SLC14A2: variants seen among roughly 807,000 people sequenced by gnomAD.
SLC14A2 encodes the protein urea transporter 2.
A neutral mutation model predicts 104.6 loss-of-function variants in SLC14A2; 91 were observed. The observed-to-expected ratio is 0.87, with a 90% CI of 0.73 to 1.04. The LOEUF is 1.04. Ranked by LOEUF, SLC14A2 falls within the 50% of genes least tolerant of loss-of-function variation. SLC14A2 has a pLI of 0.00. For missense variants in SLC14A2, 1,189 were observed against 1,156.0 expected (o/e 1.03, Z -0.41); for synonymous variants, 476 against 466.4 (o/e 1.02, Z -0.27).
At chr18:45,304,081 C>A (rs1055940833) in intron 1 of SLC14A2, among the ~76,000 whole-genome samples, 6 of 152,214 alleles carry the variant, frequency 3.9e-5, no homozygotes, top group Admixed American at 3.9e-4. Context: ...TGATGTAGAG[C>A]AGAGTTTTCT....
At chr18:45,616,224 C>A (rs2045069966) in intron 1 of SLC14A2, among the ~76,000 whole-genome samples, 1 of 152,334 alleles carries the variant, frequency 6.6e-6, no homozygotes, top group East Asian at 1.9e-4. Context: ...TGACACATTA[C>A]CCCTACGTAA....
At chr18:45,283,086 C>T (rs1599641381) in intron 1 of SLC14A2, among the ~76,000 whole-genome samples, 1 of 152,238 alleles carries the variant, frequency 6.6e-6, no homozygotes, top group Non-Finnish European at 1.5e-5. Flanking sequence ...CATTACCCCA[C>T]ATTGTGTGTA....
intron 1 of SLC14A2, among the ~76,000 whole-genome samples, chr18:45,286,738 C>G (rs56714589): frequency 0.085 from 10,506 of 122,962 alleles, 412 homozygotes; most frequent in South Asian, 0.13. Context: ...GTGTGTGTGT[C>G]TGTGTGTCTC....
intron 1 of SLC14A2, among the ~76,000 whole-genome samples, chr18:45,298,311 A>G (rs1186281102): frequency 6.6e-6 from 1 of 152,222 alleles, no homozygotes; most frequent in African/African-American, 2.4e-5. Flanking sequence ...CGTTACTTAG[A>G]GAAAAGGCTC....
the SLC14A2 span, among the ~76,000 whole-genome samples, chr18:45,172,061 A>G: frequency 6.6e-6 from 1 of 152,182 alleles, no homozygotes; most frequent in African/African-American, 2.4e-5. Flanking sequence ...ATGTGTATCA[A>G]TGTCGTAAGC....
chr18:45,291,349 A>G (rs892997333), intron 1 of SLC14A2, among the ~76,000 whole-genome samples: 2 of 152,152 alleles, frequency 1.3e-5, no homozygotes, highest in African/African-American at 4.8e-5. Context: ...CGTGGTAATA[A>G]TGAGGAATGA....
At chr18:45,559,669 G>A (rs932261710) in intron 2 of SLC14A2, among the ~76,000 whole-genome samples, 1 of 152,222 alleles carries the variant, frequency 6.6e-6, no homozygotes, top group Non-Finnish European at 1.5e-5. Flanking sequence ...TTGTACCAAA[G>A]CCTTCTCTAA....
chr18:45,399,524 G>C (rs1434735316), intron 1 of SLC14A2, among the ~76,000 whole-genome samples: 13 of 152,104 alleles, frequency 8.5e-5, no homozygotes, highest in Admixed American at 8.5e-4. Flanking sequence ...AGGTCATGTG[G>C]GTGAAATGCT....
chr18:45,672,097 G>A (rs1599160055), intron 16 of SLC14A2, among the ~76,000 whole-genome samples: 1 of 152,120 alleles, frequency 6.6e-6, no homozygotes, highest in African/African-American at 2.4e-5. Context: ...ACCTTCTCCT[G>A]GCCGCTCCTG....
chr18:45,353,091 C>A (rs955804974), intron 1 of SLC14A2, among the ~76,000 whole-genome samples: 1 of 152,170 alleles, frequency 6.6e-6, no homozygotes, highest in Non-Finnish European at 1.5e-5. Context: ...TGGGATTGGC[C>A]AAGACTCAGC....
At chr18:45,179,244 A>C in the SLC14A2 span, among the ~76,000 whole-genome samples, 11 of 152,160 alleles carry the variant, frequency 7.2e-5, no homozygotes, top group Admixed American at 2.0e-4. Flanking sequence ...ATCTATTTGC[A>C]TCTATGAGTT....
intron 10 of SLC14A2, among the ~76,000 whole-genome samples, chr18:45,648,108 T>C (rs1306443083): frequency 1.3e-5 from 2 of 152,002 alleles, no homozygotes; most frequent in East Asian, 1.9e-4. Flanking sequence ...AGTTACCACA[T>C]TGTTTGATGC....
intron 1 of SLC14A2, among the ~76,000 whole-genome samples, chr18:45,474,002 T>C (rs878990989): frequency 6.6e-6 from 1 of 152,210 alleles, no homozygotes; most frequent in African/African-American, 2.4e-5. Flanking sequence ...CAGTATGATA[T>C]TGGCTGTGGG....
chr18:45,522,508 A>C (rs1333651718), intron 2 of SLC14A2, among the ~76,000 whole-genome samples: 1 of 152,030 alleles, frequency 6.6e-6, no homozygotes, highest in Non-Finnish European at 1.5e-5. Flanking sequence ...GGGCGGGAGC[A>C]ATCCTACATA....
the SLC14A2 span, among the ~76,000 whole-genome samples, chr18:45,174,378 TC>T: frequency 6.6e-6 from 1 of 152,170 alleles, no homozygotes; most frequent in Non-Finnish European, 1.5e-5. Context: ...CAAATTCTAT[TC>T]TTTGCTCCAC....
At chr18:45,206,430 TAC>T in the SLC14A2 span, among the ~76,000 whole-genome samples, 113 of 149,842 alleles carry the variant, frequency 7.5e-4, 1 homozygote, top group Non-Finnish European at 1.1e-3. Flanking sequence ...CACACACACG[TAC>T]ACACACACAC....
intron 10 of SLC14A2, among the ~76,000 whole-genome samples, chr18:45,648,884 GT>G (rs2045676352): frequency 6.6e-6 from 1 of 151,878 alleles, no homozygotes; most frequent in South Asian, 2.1e-4. Context: ...GTCCACTGTT[GT>G]TTTACATTCT....
intron 1 of SLC14A2, among the ~76,000 whole-genome samples, chr18:45,448,968 C>T (rs2086814982): frequency 6.6e-6 from 1 of 152,120 alleles, no homozygotes; most frequent in East Asian, 1.9e-4. Context: ...GATCACTGAC[C>T]GGAATCTGTA....
intron 10 of SLC14A2, among the ~76,000 whole-genome samples, chr18:45,652,800 C>A (rs1423967382): frequency 6.6e-6 from 1 of 152,070 alleles, no homozygotes; most frequent in Non-Finnish European, 1.5e-5. Context: ...TTCTGCTTTC[C>A]AAGGCAGCAC....
Sources: allele counts gnomAD v4.1 joint callset (sites outside exome capture counted in the v4.1 genomes callset), GRCh38; gene constraint gnomAD v4.1.1; transcripts MANE v1.5; gene names NCBI Gene and HGNC (gene_info 2026-07-23, HGNC 2026-07-21).